Variants in NOL4 observed in about 807,000 individuals in gnomAD.
NOL4 encodes nucleolar protein 4.
Under a neutral mutation model 75.9 loss-of-function variants are expected in NOL4, and 17 were observed. The observed-to-expected ratio is 0.22, with a 90% CI of 0.15 to 0.34. NOL4 has a LOEUF of 0.34. NOL4 is among the 10% of genes least tolerant of loss of function. The pLI, the probability that NOL4 is intolerant of heterozygous loss-of-function variation, is 1.00. For synonymous variants in NOL4, 292 were observed against 289.9 expected (o/e 1.01, Z -0.07); for missense variants, 614 against 793.5 (o/e 0.77, Z 2.72).
intron 2 of NOL4, among the ~76,000 whole-genome samples, 154 bp downstream of exon 2, chr18:34,129,717 C>T (rs915441424): frequency 6.6e-6 from 1 of 151,664 alleles, no homozygotes; most frequent in Non-Finnish European, 1.5e-5. Flanking sequence ...AACATACAAC[C>T]AAAATAATTA....
chr18:33,976,969 A>G (rs2071538081), intron 6 of NOL4, among the ~76,000 whole-genome samples: 1 of 152,026 alleles, frequency 6.6e-6, no homozygotes, highest in African/African-American at 2.4e-5. Flanking sequence ...TTTTTGCACT[A>G]CTCTTAGGTT....
chr18:34,179,335 G>T (rs2033836659), intron 1 of NOL4, among the ~76,000 whole-genome samples: 1 of 150,894 alleles, frequency 6.6e-6, no homozygotes, highest in East Asian at 1.9e-4. Context: ...AAGACAAGCA[G>T]AAATAAGGAA....
chr18:33,957,258 A>G (rs1241310863), intron 8 of NOL4, 68 bp downstream of exon 8: 1 of 1,266,604 alleles, frequency 7.9e-7, no homozygotes, highest in East Asian at 2.5e-5. Flanking sequence ...GATGGAAAAA[A>G]AATAGTGTCA....
intron 5 of NOL4, among the ~76,000 whole-genome samples, chr18:34,091,445 G>A (rs2078520803): frequency 6.6e-6 from 1 of 152,058 alleles, no homozygotes; most frequent in Admixed American, 6.6e-5. Flanking sequence ...CACCATGAGA[G>A]GATATGGTGT....
chr18:33,927,492 G>T (rs9961746), intron 9 of NOL4, among the ~76,000 whole-genome samples: 1,746 of 152,148 alleles, frequency 0.011, 28 homozygotes, highest in African/African-American at 0.04. Context: ...AGCCTGTCCT[G>T]CAGTCATCTA....
intron 10 of NOL4, among the ~76,000 whole-genome samples, chr18:33,858,022 C>A (rs1452112244): frequency 6.6e-6 from 1 of 152,040 alleles, no homozygotes; most frequent in East Asian, 1.9e-4. Context: ...CAATAAGCAA[C>A]AACAGAGTAG....
chr18:34,104,167 AAAACATTTTT>A lies in NOL4; in HGVS notation c.527-18_527-9del, dbSNP rs1302617430. ...TGGGAGGTTTTCCATTATCTGTAAT[AAAACATTTTT>A]AATGGGTAATGAAAGTAATACTGCA... On this transcript the variant is annotated splice_polypyrimidine_tract_variant and intron_variant, in intron 3 of 10. Coordinates refer to ENST00000261592, the MANE Select transcript of NOL4 (RefSeq NM_003787.5). The A allele has an allele frequency of 6.4e-7, 1 of 1,553,788 alleles. No individual in the cohort carries two copies.
chr18:34,208,238 A>G (rs993462008), intron 1 of NOL4, among the ~76,000 whole-genome samples: 6 of 152,098 alleles, frequency 3.9e-5, no homozygotes, highest in African/African-American at 1.4e-4. Flanking sequence ...GTTATGTTGT[A>G]TATTCCTTCC....
chr18:33,882,520 C>A (rs1421956930), intron 10 of NOL4, among the ~76,000 whole-genome samples: 1 of 151,716 alleles, frequency 6.6e-6, no homozygotes, highest in Non-Finnish European at 1.5e-5. Flanking sequence ...CATCTCACAC[C>A]AGTTAGAATG....
intron 1 of NOL4, among the ~76,000 whole-genome samples, chr18:34,162,869 G>C (rs1473944638): frequency 1.3e-5 from 2 of 152,120 alleles, no homozygotes; most frequent in Non-Finnish European, 2.9e-5. Flanking sequence ...GAATCTAGCA[G>C]CACATCAAAA....
At chr18:33,857,592 G>GA (rs967472377) in intron 10 of NOL4, among the ~76,000 whole-genome samples, 1 of 151,776 alleles carries the variant, frequency 6.6e-6, no homozygotes, top group African/African-American at 2.4e-5. Flanking sequence ...CCCTGATCTG[G>GA]AAAAAAAATT....
intron 9 of NOL4, among the ~76,000 whole-genome samples, chr18:33,923,111 T>C (rs553638745): frequency 6.6e-6 from 1 of 152,210 alleles, no homozygotes; most frequent in South Asian, 2.1e-4. Context: ...ATTTCTCCTA[T>C]AGGTGGAAGT....
chr18:34,064,355 G>A (rs551671908), intron 5 of NOL4, among the ~76,000 whole-genome samples: 1 of 152,028 alleles, frequency 6.6e-6, no homozygotes, highest in East Asian at 1.9e-4. Context: ...AGTTGTACTC[G>A]TTGTATTGTC....
intron 5 of NOL4, 48 bp from the exon 6 acceptor site, chr18:34,019,649 C>A: frequency 6.5e-7 from 1 of 1,535,668 alleles, no homozygotes; most frequent in South Asian, 1.2e-5. Flanking sequence ...ATATGCTATT[C>A]AGAGTCTACT....
chr18:34,167,561 T>TAGATAGATAGATAGATAGATAGATAGAC (rs1200688846), intron 1 of NOL4, among the ~76,000 whole-genome samples: 1 of 150,582 alleles, frequency 6.6e-6, no homozygotes, highest in African/African-American at 2.5e-5. Flanking sequence ...GATAGATAGA[T>TAGATAGATAGATAGATAGATAGATAGAC]AGACAGACAG....
At chr18:33,949,317 A>C (rs1421770951) in intron 8 of NOL4, among the ~76,000 whole-genome samples, 1 of 152,078 alleles carries the variant, frequency 6.6e-6, no homozygotes, top group Non-Finnish European at 1.5e-5. Flanking sequence ...AACCCTGGCC[A>C]CCTGAGTTCG....
At chr18:33,959,283 A>G (rs2069907075) in intron 6 of NOL4, among the ~76,000 whole-genome samples, 2 of 152,156 alleles carry the variant, frequency 1.3e-5, no homozygotes, top group Admixed American at 1.3e-4. Context: ...ATGCATAAGT[A>G]TATCTACATG....
At chr18:34,190,544 T>A (rs1280967332) in intron 1 of NOL4, among the ~76,000 whole-genome samples, 2 of 152,096 alleles carry the variant, frequency 1.3e-5, no homozygotes, top group East Asian at 3.9e-4. Flanking sequence ...ATAAAATGTG[T>A]GCTTTGAATT....
chr18:34,104,513 C>A (rs2145674905), intron 3 of NOL4, among the ~76,000 whole-genome samples: 1 of 151,908 alleles, frequency 6.6e-6, no homozygotes, highest in South Asian at 2.1e-4. Context: ...CAATTTTTTG[C>A]TTTTGGCCAT....
Sources: gnomAD v4.1 joint callset for allele counts (sites outside exome capture counted in the v4.1 genomes callset) on GRCh38, gnomAD v4.1.1 for gene constraint, MANE v1.5 for transcripts, NCBI Gene and HGNC (gene_info 2026-07-23, HGNC 2026-07-21) for gene names.